BNIP3: variants seen among roughly 807,000 people sequenced by gnomAD.
BNIP3 encodes the protein BCL2 interacting protein 3.
BNIP3 carries 16 observed loss-of-function variants against 23.9 expected under a neutral mutation model. The observed-to-expected ratio is 0.67, with a 90% CI of 0.45 to 1.01. The LOEUF is 1.01. Among genes scored for constraint, BNIP3 ranks in the 50% least tolerant of loss-of-function variants. The pLI, the probability that BNIP3 is intolerant of heterozygous loss-of-function variation, is 0.00. For synonymous variants in BNIP3, 81 were observed against 89.3 expected, an observed-to-expected ratio of 0.91 and a Z score of 0.53; for missense variants, 198 against 248.7, an observed-to-expected ratio of 0.80 and a Z score of 1.37.
chr10:131,978,617 A>C (rs2037097128), intron 1 of BNIP3, among the ~76,000 whole-genome samples: 1 of 152,338 alleles, frequency 6.6e-6, no homozygotes, highest in Non-Finnish European at 1.5e-5. Flanking sequence ...CTGGGGTGAC[A>C]ACCTCAACTC....
In BNIP3 at chr10:131,976,562, C is replaced by G. The variant is rs45601931; in HGVS notation, c.47-2619G>C. 5.3e-5 allele frequency among the ~76,000 whole-genome samples: 8 copies of G among 152,264 alleles called. No homozygotes were observed. The highest frequency in any genetic ancestry group is 1.9e-4 in the African/African-American group (8 of 41,556). ...TTACCAGAAACAATTCCAGGGCAGA[C>G]AAATGGAAATGACATACAGCCCAGA... is the stretch of plus-strand genomic sequence containing the variant. On this transcript the variant is annotated intron_variant, in intron 1 of 5. Transcript: ENST00000368636. This position sits in a 1 kb window ranked among gnomAD's most constrained non-coding sequence, Gnocchi z 4.3.
rs1397366264 is a variant in BNIP3, at chr10:131,976,228, G to A, written c.47-2285C>T. ...CTAAAGTGTTGTTCAGCTATCTGAC[G>A]ATATGGAACACAAATGCAACTTGAA... On this transcript the variant is annotated intron_variant, in intron 1 of 5. Coordinates refer to ENST00000368636, the MANE Select transcript of BNIP3 (RefSeq NM_004052.4). This position sits in a 1 kb window ranked among gnomAD's most constrained non-coding sequence, Gnocchi z 4.3. Among the ~76,000 whole-genome samples, 3 of 152,184 alleles carry A rather than the reference G, an allele frequency of 2.0e-5. No homozygotes were observed. Among genetic ancestry groups the A allele is most frequent in the Non-Finnish European group, 4.4e-5 (3 of 68,042 alleles).
At position 131,970,619 on chromosome 10, in the gene BNIP3, A is replaced by G. The variant is rs776838334; in HGVS notation, c.539+19T>C. ...CCCACGACATGCCATGACAGGAGTC[A>G]CACAGTCACATCACCTACCCCAATC... On this transcript the variant is annotated intron_variant, in intron 5 of 5. Transcript: ENST00000368636. The surrounding 1 kb of genome is among the most constrained non-coding windows in gnomAD (Gnocchi z 4.1). 6.2e-7 allele frequency: 1 copy of G among 1,612,602 alleles called. No homozygotes were observed. The highest frequency in any genetic ancestry group is 8.5e-7 in the Non-Finnish European group (1 of 1,179,390).
chr10:131,974,068 C>T (rs1051463888), intron 1 of BNIP3, 125 bp from the exon 2 acceptor site: 124 of 1,232,194 alleles, frequency 1.0e-4, no homozygotes, highest in Non-Finnish European at 1.4e-4. Context: ...CAGGAACCAT[C>T]CCTCAACCCC....
chr10:131,979,432 A>G (rs1056919206), intron 1 of BNIP3, among the ~76,000 whole-genome samples: 2 of 152,224 alleles, frequency 1.3e-5, no homozygotes, highest in African/African-American at 4.8e-5. Context: ...GGATTATTAA[A>G]CACGGCCCTC....
chr10:131,981,677 C>A, intron 1 of BNIP3, 84 bp downstream of exon 1: 1 of 1,386,938 alleles, frequency 7.2e-7, no homozygotes, highest in Non-Finnish European at 9.4e-7. Context: ...GCCTCCCCGG[C>A]AACCTCCCCT....
intron 1 of BNIP3, 44 bp downstream of exon 1, chr10:131,981,717 C>G: frequency 1.4e-6 from 2 of 1,459,912 alleles, no homozygotes; most frequent in South Asian, 1.3e-5. Context: ...CCCAGGCTTC[C>G]CCCCCGCGCC....
In BNIP3 at chr10:131,970,944, CCTT is replaced by C. The variant is rs766961713; in HGVS notation, c.306_308del (p.Arg103del). On this transcript the variant is annotated inframe_deletion, in exon 4 of 6. Transcript: ENST00000368636. This position sits in a 1 kb window ranked among gnomAD's most constrained non-coding sequence, Gnocchi z 4.1. ...TCTTCAAGATGCTTTCAACTTCTTTCCTTCTTTCAATATCATCTTCCTCAGACT... is the reference window on the plus strand; with the variant it reads ...TCTTCAAGATGCTTTCAACTTCTTTCCTTTCAATATCATCTTCCTCAGACT... 3 of 1,614,070 alleles carry C rather than the reference CCTT, an allele frequency of 1.9e-6. No homozygotes were observed. The highest frequency in any genetic ancestry group is 1.1e-5 in the South Asian group (1 of 91,094).
rs1016262790 is a variant in BNIP3, at chr10:131,973,298, T to A, written c.198-180A>T. The A allele has an allele frequency of 1.3e-5, 8 of 608,312 alleles. No homozygotes were observed. The African/African-American group carries it at 1.5e-4, about 11-fold the overall frequency. The allele number at this position is 608,312 out of a possible 1,614,324, so 37.7% of individuals were successfully genotyped here. ...CAAACTCTTCCTCAGCCCTTTTGGC[T>A]GAGCACGACAGGAGTGAGCTAGCCA... On this transcript the variant is annotated intron_variant, in intron 2 of 5. Coordinates refer to ENST00000368636, the MANE Select transcript of BNIP3 (RefSeq NM_004052.4).
chr10:131,981,627 G>A, intron 1 of BNIP3, 134 bp downstream of exon 1: 1 of 1,127,992 alleles, frequency 8.9e-7, no homozygotes, highest in Non-Finnish European at 1.2e-6. Flanking sequence ...TACGGAAGGG[G>A]AGGATGGCGC....
rs1258190726 is a variant in BNIP3, at chr10:131,970,051, C to T, written c.539+587G>A. The T allele has an allele frequency of 6.6e-6, 1 of 152,604 alleles. No homozygotes were observed. The highest frequency in any genetic ancestry group is 1.5e-5 in the Non-Finnish European group (1 of 68,420). The allele number at this position is 152,604 out of a possible 1,614,324, so 9.5% of individuals were successfully genotyped here. On this transcript the variant is annotated intron_variant, in intron 5 of 5. Coordinates refer to ENST00000368636, the MANE Select transcript of BNIP3 (RefSeq NM_004052.4). The surrounding 1 kb of genome is among the most constrained non-coding windows in gnomAD (Gnocchi z 4.1). ...AAAATTAGCCAGGCCTGGTGGTGGGCACCTGTAATCCCAGCTACCCAGGAG... is the reference window on the plus strand; with the variant it reads ...AAAATTAGCCAGGCCTGGTGGTGGGTACCTGTAATCCCAGCTACCCAGGAG...
intron 2 of BNIP3, 102 bp from the exon 3 acceptor site, chr10:131,973,220 G>T: frequency 8.5e-7 from 1 of 1,174,838 alleles, no homozygotes; most frequent in East Asian, 2.4e-5. Flanking sequence ...GTGATGAGGG[G>T]CTCTAGCCAG....
chr10:131,977,072 A>C (rs2037083099), intron 1 of BNIP3, among the ~76,000 whole-genome samples: 1 of 152,200 alleles, frequency 6.6e-6, no homozygotes, highest in Admixed American at 6.5e-5. Flanking sequence ...CAGGAGTCAG[A>C]GACCAGCCTG....
Position 131,973,132 on chromosome 10 carries a change from A to G in BNIP3, c.198-14T>C, listed in dbSNP as rs1476280857. 1 of 1,611,656 alleles carries G rather than the reference A, an allele frequency of 6.2e-7. No homozygotes were observed. Among genetic ancestry groups the G allele is most frequent in the South Asian group, 1.1e-5 (1 of 91,030 alleles). On this transcript the variant is annotated splice_polypyrimidine_tract_variant and intron_variant, in intron 2 of 5. Coordinates refer to ENST00000368636, the MANE Select transcript of BNIP3 (RefSeq NM_004052.4). ...GAGCGAGGTGGGCTTGGCGATGTGAATAGAATGGGAAAAACAGAACATCAT... is the reference window on the plus strand; with the variant it reads ...GAGCGAGGTGGGCTTGGCGATGTGAGTAGAATGGGAAAAACAGAACATCAT...
Position 131,975,242 on chromosome 10 carries a change from T to A in BNIP3, c.47-1299A>T, listed in dbSNP as rs1479056567. On this transcript the variant is annotated intron_variant, in intron 1 of 5. Coordinates refer to ENST00000368636, the MANE Select transcript of BNIP3 (RefSeq NM_004052.4). ...GCCTCACTCTGCGCTGGCTGCTTCC[T>A]GTGTCAGAAATCAAGCGTGCATATA... Among the ~76,000 whole-genome samples, 3 of 152,356 alleles carry A rather than the reference T, an allele frequency of 2.0e-5. No individual in the cohort carries two copies. In the South Asian group the frequency reaches 6.2e-4, roughly 32 times the overall value.
At chr10:131,973,492 C>A in intron 2 of BNIP3, 1 of 486,398 alleles carries the variant, frequency 2.1e-6, no homozygotes, top group African/African-American at 1.9e-5. Context: ...GACCGCTCCT[C>A]CTGCGACCAC....
At chr10:131,969,573 C>G (rs1205943744) in intron 5 of BNIP3, 3 of 152,320 alleles carry the variant, frequency 2.0e-5, no homozygotes, top group Non-Finnish European at 4.4e-5. Flanking sequence ...GGGCAGCGCT[C>G]AGGTCCCGGC....
At chr10:131,973,992 G>T (rs1416606510) in intron 1 of BNIP3, 49 bp from the exon 2 acceptor site, 1 of 1,608,140 alleles carries the variant, frequency 6.2e-7, no homozygotes, top group Admixed American at 1.7e-5. Context: ...TACCCACTCT[G>T]GAATCTGCTC....
intron 1 of BNIP3, chr10:131,981,102 G>A (rs2037115467): frequency 6.6e-6 from 1 of 152,282 alleles, no homozygotes; most frequent in Admixed American, 6.5e-5. Flanking sequence ...GCATTAGGCA[G>A]GCTGTAACGA....
Sources: allele counts gnomAD v4.1 joint callset (sites outside exome capture counted in the v4.1 genomes callset), GRCh38; gene constraint gnomAD v4.1.1; non-coding constraint Gnocchi (gnomAD v3.1); transcripts MANE v1.5; gene names NCBI Gene and HGNC (gene_info 2026-07-23, HGNC 2026-07-21).